The following SCFD2 variants were observed in gnomAD, a reference collection of about 807,000 sequenced individuals.
The protein encoded by SCFD2 is sec1 family domain containing 2.
SCFD2 carries 54 observed loss-of-function variants against 58.9 expected under a neutral mutation model. That is an observed-to-expected ratio of 0.92 (90% CI 0.74 to 1.15). The LOEUF (loss-of-function observed/expected upper bound fraction) is 1.15, where lower values mean the gene tolerates loss of function less well. Among genes scored for constraint, SCFD2 ranks in the 50% most tolerant of loss-of-function variants. SCFD2 has a pLI of 0.00. For missense variants in SCFD2, 805 were observed against 836.6 expected (o/e 0.96, Z 0.47); for synonymous variants, 321 against 335.9 (o/e 0.96, Z 0.49).
chr4:53,326,203 C>A (rs1415698673), intron 2 of SCFD2, among the ~76,000 whole-genome samples: 4 of 152,028 alleles, frequency 2.6e-5, no homozygotes. Context: ...AGTGCAGTGG[C>A]GTGATCACAA....
intron 5 of SCFD2, among the ~76,000 whole-genome samples, chr4:53,076,158 C>T (rs928687114): frequency 6.6e-6 from 1 of 152,116 alleles, no homozygotes; most frequent in Non-Finnish European, 1.5e-5. Flanking sequence ...TCATATATTA[C>T]AAGAAAAAAT....
chr4:53,309,175 A>C (rs1732611145), intron 3 of SCFD2, among the ~76,000 whole-genome samples: 1 of 152,056 alleles, frequency 6.6e-6, no homozygotes, highest in Admixed American at 6.5e-5. Context: ...AGTGTTCAAA[A>C]TAGGGGAAAA....
At chr4:53,280,399 C>G (rs1191968268) in intron 3 of SCFD2, among the ~76,000 whole-genome samples, 1 of 151,998 alleles carries the variant, frequency 6.6e-6, no homozygotes, top group Non-Finnish European at 1.5e-5. Flanking sequence ...GCATGTAATC[C>G]TAGCTACTCA....
chr4:53,247,499 T>C (rs1487598915), intron 4 of SCFD2, among the ~76,000 whole-genome samples: 3 of 152,140 alleles, frequency 2.0e-5, no homozygotes, highest in Non-Finnish European at 4.4e-5. Flanking sequence ...CAAATGCCCA[T>C]CAATGAAAGA....
intron 5 of SCFD2, among the ~76,000 whole-genome samples, chr4:52,939,289 C>T (rs890433845): frequency 6.6e-6 from 1 of 152,194 alleles, no homozygotes; most frequent in Admixed American, 6.5e-5. Context: ...CAGGTTATCA[C>T]ACCTAATCTT....
intron 4 of SCFD2, among the ~76,000 whole-genome samples, chr4:53,203,873 G>C (rs1315513399): frequency 3.9e-5 from 6 of 152,106 alleles, no homozygotes; most frequent in Non-Finnish European, 8.8e-5. Flanking sequence ...CTCAGCAGGA[G>C]GTTTCGTATC....
At chr4:53,020,903 G>A (rs980933511) in intron 5 of SCFD2, among the ~76,000 whole-genome samples, 4 of 152,158 alleles carry the variant, frequency 2.6e-5, no homozygotes, top group African/African-American at 9.7e-5. Context: ...TAATGCTAGG[G>A]TGGGTGGTTT....
At chr4:53,274,550 A>C (rs1335578847) in intron 3 of SCFD2, among the ~76,000 whole-genome samples, 1 of 152,214 alleles carries the variant, frequency 6.6e-6, no homozygotes, top group Non-Finnish European at 1.5e-5. Context: ...GTGCAAAACC[A>C]CTGGAAGAGG....
chr4:52,999,704 A>G (rs1721823448), intron 5 of SCFD2, among the ~76,000 whole-genome samples: 1 of 152,178 alleles, frequency 6.6e-6, no homozygotes. Flanking sequence ...TGAGCTTTAC[A>G]CTTTTTGCCT....
intron 1 of SCFD2, among the ~76,000 whole-genome samples, chr4:53,354,590 A>C (rs977816309): frequency 1.4e-4 from 22 of 152,200 alleles, no homozygotes; most frequent in African/African-American, 5.1e-4. Context: ...CCGAGGAGGC[A>C]CTGAGAGCGA....
intron 4 of SCFD2, among the ~76,000 whole-genome samples, chr4:53,207,509 T>G (rs747159568): frequency 8.3e-5 from 1 of 12,080 alleles, no homozygotes; most frequent in African/African-American, 3.7e-4. Context: ...ATATATATTA[T>G]ATATATTATA....
At chr4:53,233,341 G>T (rs748305194) in intron 4 of SCFD2, among the ~76,000 whole-genome samples, 3 of 152,070 alleles carry the variant, frequency 2.0e-5, no homozygotes, top group African/African-American at 7.2e-5. Flanking sequence ...TTCCCTTTTG[G>T]TCATGCAAGA....
At chr4:53,354,348 T>C (rs1225437056) in intron 1 of SCFD2, among the ~76,000 whole-genome samples, 1 of 152,310 alleles carries the variant, frequency 6.6e-6, no homozygotes, top group Admixed American at 6.5e-5. Flanking sequence ...CCTCACTGCC[T>C]GGACCGGCCG....
At chr4:53,038,480 G>T (rs1241891513) in intron 5 of SCFD2, among the ~76,000 whole-genome samples, 1 of 152,156 alleles carries the variant, frequency 6.6e-6, no homozygotes, top group Non-Finnish European at 1.5e-5. Context: ...TCACAGAAGA[G>T]TTTGTTTTAA....
At chr4:53,300,863 G>A (rs1223155569) in intron 3 of SCFD2, among the ~76,000 whole-genome samples, 1 of 152,192 alleles carries the variant, frequency 6.6e-6, no homozygotes, top group East Asian at 1.9e-4. Context: ...GGTAAATAAT[G>A]AAATGAAGGC....
intron 3 of SCFD2, among the ~76,000 whole-genome samples, chr4:53,277,216 G>A (rs115794243): frequency 2.5e-3 from 378 of 152,246 alleles, no homozygotes; most frequent in African/African-American, 8.7e-3. Flanking sequence ...AGCCTCTTAC[G>A]TGTCATTCTC....
intron 4 of SCFD2, among the ~76,000 whole-genome samples, chr4:53,251,496 C>T (rs1181063488): frequency 6.6e-6 from 1 of 151,910 alleles, no homozygotes; most frequent in Non-Finnish European, 1.5e-5. Context: ...AAAATACTGG[C>T]AAACCAAATC....
intron 4 of SCFD2, among the ~76,000 whole-genome samples, chr4:53,247,398 C>CA (rs926342667): frequency 2.6e-5 from 4 of 151,940 alleles, no homozygotes; most frequent in Admixed American, 6.6e-5. Flanking sequence ...GGTATGTACC[C>CA]AAAAAAATAT....
At chr4:53,001,351 G>C (rs1190750554) in intron 5 of SCFD2, among the ~76,000 whole-genome samples, 1 of 152,176 alleles carries the variant, frequency 6.6e-6, no homozygotes, top group Non-Finnish European at 1.5e-5. Flanking sequence ...TACATTGGAG[G>C]TACAGTACTT....
Sources: gnomAD v4.1 joint callset for allele counts (sites outside exome capture counted in the v4.1 genomes callset) on GRCh38, gnomAD v4.1.1 for gene constraint, MANE v1.5 for transcripts, NCBI Gene and HGNC (gene_info 2026-07-23, HGNC 2026-07-21) for gene names.